KRT74: variants seen among roughly 807,000 people sequenced by gnomAD.
The protein encoded by KRT74 is keratin 74.
A neutral mutation model predicts 42.7 loss-of-function variants in KRT74; 43 were observed. That is an observed-to-expected ratio of 1.01 (90% CI 0.79 to 1.30). KRT74 has a LOEUF of 1.30. KRT74 is among the 50% of genes most tolerant of loss of function. The probability of loss-of-function intolerance (pLI) is 0.00; values close to 1 mark genes in which losing one functional copy is unlikely to be tolerated. For missense variants in KRT74, 736 were observed against 689.1 expected, an observed-to-expected ratio of 1.07 and a Z score of -0.76; for synonymous variants, 302 against 279.0, an observed-to-expected ratio of 1.08 and a Z score of -0.82.
intron 1 of KRT74, 92 bp from the exon 2 acceptor site, chr12:52,572,759 T>C (rs781554627): frequency 1.6e-4 from 192 of 1,187,820 alleles, no homozygotes; most frequent in Admixed American, 3.0e-4. Flanking sequence ...TTGCCATAGA[T>C]TGTTGTAGTC....
Position 52,566,653 on chromosome 12 carries a change from C to A in KRT74, c.*316G>T. 3.2e-6 allele frequency: 1 copy of A among 310,718 alleles called. No homozygotes were observed. The highest frequency in any genetic ancestry group is 5.9e-6 in the Non-Finnish European group (1 of 169,404). The allele number at this position is 310,718 out of a possible 1,614,324, so 19.2% of individuals were successfully genotyped here. On this transcript the variant is annotated 3_prime_UTR_variant, in exon 9 of 9. Transcript: ENST00000305620. ...GCCCCTCCCCTGTCGTCTCCTGCTC[C>A]TTCCCTCTTTCTAGGGATGATCACA...
Position 52,566,942 on chromosome 12 carries a change from A to G in KRT74, c.*27T>C. 1.3e-6 allele frequency: 2 copies of G among 1,590,706 alleles called. No homozygotes were observed. Among genetic ancestry groups the G allele is most frequent in the Non-Finnish European group, 1.7e-6 (2 of 1,165,122 alleles). ...GGTGGCAAAGTCACCTCTTCTTCCA[A>G]GTGCTGAGGTGGGTGAGGCCATGGG... On this transcript the variant is annotated 3_prime_UTR_variant, in exon 9 of 9. Coordinates refer to ENST00000305620, the MANE Select transcript of KRT74 (RefSeq NM_175053.4).
chr12:52,567,304 A>T, intron 8 of KRT74, 136 bp from the exon 9 acceptor site: 2 of 755,404 alleles, frequency 2.6e-6, no homozygotes, highest in South Asian at 1.9e-5. Flanking sequence ...AGTAGTCAAG[A>T]AGCACTACAG....
rs1482668927 is a variant in KRT74 at position 52,566,542 on chromosome 12, C to G, written c.*427G>C. ...TGTCTAACTTCTCACCACCTGCTTA[C>G]AGGTCTCGTGTCACCCCACCATGCT... is the stretch of plus-strand genomic sequence containing the variant. On this transcript the variant is annotated 3_prime_UTR_variant, in exon 9 of 9. Transcript: ENST00000305620. The G allele has an allele frequency of 6.0e-6, 1 of 166,372 alleles. No individual in the cohort carries two copies. Among genetic ancestry groups the G allele is most frequent in the African/African-American group, 2.4e-5 (1 of 42,078 alleles). 10.3% of individuals were successfully genotyped at this position (166,372 alleles called of 1,614,324 possible).
At chr12:52,570,131 A>G in intron 5 of KRT74, 147 bp from the exon 6 acceptor site, 2 of 838,358 alleles carry the variant, frequency 2.4e-6, no homozygotes, top group South Asian at 1.5e-5. Flanking sequence ...GGGCCCAGGT[A>G]AGGGGTTTTC....
At chr12:52,567,878 C>T (rs896787106) in intron 7 of KRT74, among the ~76,000 whole-genome samples, 185 bp from the exon 8 acceptor site, 12 of 151,536 alleles carry the variant, frequency 7.9e-5, no homozygotes, top group Admixed American at 5.3e-4. Flanking sequence ...GATGATTTAC[C>T]GAGACCACAC....
chr12:52,571,373 A>G lies in KRT74; in HGVS notation c.829T>C (p.Cys277Arg), dbSNP rs1364498083. 6.2e-7 allele frequency: 1 copy of G among 1,609,378 alleles called. No individual in the cohort carries two copies. The highest frequency in any genetic ancestry group is 1.7e-5 in the Admixed American group (1 of 60,008). ...SLDKEIKFLK[C>R]LYDAEIAQIQ... The stretch of plus-strand genomic sequence containing the variant: ...AGTGTCCTTACTGCATCATACAGAC[A>G]CTTGAGGAACTTGATTTCTTTGTCC... Residue 277 changes from cysteine (C) to arginine (R), a missense_variant, in exon 4 of 9, where the codon TGT becomes CGT. Coordinates refer to ENST00000305620, the MANE Select transcript of KRT74 (RefSeq NM_175053.4).
intron 6 of KRT74, among the ~76,000 whole-genome samples, chr12:52,568,713 C>T (rs374480991): frequency 6.1e-4 from 93 of 152,326 alleles, no homozygotes; most frequent in African/African-American, 2.1e-3. Flanking sequence ...AAATCATGCC[C>T]GATCCCCTAG....
rs148647777 is a variant in KRT74, at chr12:52,570,713, C to A, written c.964G>T (p.Ala322Ser). 2 of 1,614,230 alleles carry A rather than the reference C, an allele frequency of 1.2e-6. No individual in the cohort carries two copies. The highest frequency in any genetic ancestry group is 1.1e-5 in the South Asian group (1 of 91,088). The stretch of plus-strand genomic sequence containing the variant: ...TCGGCCTCGGCCTTGCTCTTCAGGG[C>A]GATCTCCTCATAATGCATGCGGACC... ...AEVRMHYEEIALKSKAEAEAL... is the reference protein window; with the variant it reads ...AEVRMHYEEISLKSKAEAEAL... The change falls in exon 5 of 9, where the codon GCC (alanine) becomes TCC (serine). Residue 322 changes from alanine (A) to serine (S), a missense_variant. Physicochemically the swap from Ala to Ser is moderately conservative, Grantham distance 99 (BLOSUM62 1). Transcript: ENST00000305620.
chr12:52,571,807 T>C, intron 3 of KRT74, 137 bp downstream of exon 3: 2 of 772,922 alleles, frequency 2.6e-6, no homozygotes, highest in South Asian at 2.8e-5. Context: ...GCCAGGACTA[T>C]GACTCCACCC....
chr12:52,572,724 GAC>G, intron 1 of KRT74, 57 bp from the exon 2 acceptor site: 1 of 1,487,070 alleles, frequency 6.7e-7, no homozygotes, highest in East Asian at 2.3e-5. Context: ...ATGCCCCCTG[GAC>G]ACACACCATT....
Position 52,572,663 on chromosome 12 carries a change from C to A in KRT74, c.476G>T (p.Arg159Leu), listed in dbSNP as rs577186003. 1.3e-5 allele frequency: 21 copies of A among 1,613,980 alleles called. No homozygotes were observed. Among genetic ancestry groups the A allele is most frequent in the Non-Finnish European group, 1.8e-5 (21 of 1,179,978 alleles). Residue 159 changes from arginine (R) to leucine (L), a missense_variant, in exon 2 of 9, where the codon CGC (arginine) becomes CTC (leucine). By Grantham distance (102) the Arg-to-Leu change is moderately radical (BLOSUM62 -2). Coordinates refer to ENST00000305620, the MANE Select transcript of KRT74 (RefSeq NM_175053.4). The part of the protein sequence containing the change: ...DKFASFIDKV[R>L]FLEQQNQVLE... ...AACCTGGTTCTGCTGCTCTAGGAAG[C>A]GTACCTGGAACCCAAATCAACAGAC...
At chr12:52,571,915 C>A (rs754698789) in intron 3 of KRT74, 29 bp downstream of exon 3, 2 of 1,413,470 alleles carry the variant, frequency 1.4e-6, no homozygotes, top group South Asian at 1.1e-5. Context: ...TGCGAGAGAC[C>A]CTAATAAGGA....
chr12:52,573,123 G>A (rs938427408), intron 1 of KRT74, among the ~76,000 whole-genome samples, 184 bp downstream of exon 1: 5 of 152,114 alleles, frequency 3.3e-5, no homozygotes, highest in Non-Finnish European at 5.9e-5. Flanking sequence ...CAAAGAAGCC[G>A]ATATATTCAT....
In KRT74 at chr12:52,573,697, A is replaced by G; in HGVS notation, c.81T>C (p.Ala27=). ...SVHSAVVPRK[A]VGSLASYCAA... ...CACAGTAAGAAGCCAGGCTACCCACAGCCTTCCTTGGCACCACTGCCGAAT... is the reference window on the plus strand; with the variant it reads ...CACAGTAAGAAGCCAGGCTACCCACGGCCTTCCTTGGCACCACTGCCGAAT... The change falls in exon 1 of 9, where the codon GCT becomes GCC. Residue 27 remains alanine (A), a synonymous_variant. Coordinates refer to ENST00000305620, the MANE Select transcript of KRT74 (RefSeq NM_175053.4). 6.2e-7 allele frequency: 1 copy of G among 1,614,210 alleles called. No individual in the cohort carries two copies. The highest frequency in any genetic ancestry group is 1.3e-5 in the African/African-American group (1 of 75,080).
Position 52,571,465 on chromosome 12 carries a change from GC to G in KRT74, c.748-12del. 1 of 1,606,322 alleles carries G rather than the reference GC, an allele frequency of 6.2e-7. No individual in the cohort carries two copies. The highest frequency in any genetic ancestry group is 8.5e-7 in the Non-Finnish European group (1 of 1,173,020). On this transcript the variant is annotated splice_polypyrimidine_tract_variant and intron_variant, in intron 3 of 8. Coordinates refer to ENST00000305620, the MANE Select transcript of KRT74 (RefSeq NM_175053.4). ...GGCTGCATCTGCATCCTGCCAAGAGGCCCCAGAGTCATTGGGGGATGCAACC... is the reference window on the plus strand; with the variant it reads ...GGCTGCATCTGCATCCTGCCAAGAGGCCCAGAGTCATTGGGGGATGCAACC...
intron 1 of KRT74, 69 bp downstream of exon 1, chr12:52,573,238 C>A: frequency 6.9e-7 from 1 of 1,450,604 alleles, no homozygotes; most frequent in South Asian, 1.1e-5. Context: ...GTGTGCAGTC[C>A]ATTCCCAGGC....
rs754869285 is a variant in KRT74, at chr12:52,570,655, C to T, written c.1008+14G>A. Reference sequence around the variant, plus strand: ...CGAAGGGCTGCTGTGGGAGGAGACCCATTCGGTGACCACCTTGGTCTGGTA... The same window carrying T: ...CGAAGGGCTGCTGTGGGAGGAGACCTATTCGGTGACCACCTTGGTCTGGTA... On this transcript the variant is annotated intron_variant, in intron 5 of 8. Transcript: ENST00000305620. 4.8e-5 allele frequency: 78 copies of T among 1,614,066 alleles called. No homozygotes were observed. The highest frequency in any genetic ancestry group is 5.7e-5 in the Non-Finnish European group (67 of 1,180,028).
In KRT74 at chr12:52,573,314, A is replaced by G. The variant is rs1565609077; in HGVS notation, c.464T>C (p.Ile155Thr). The G allele has an allele frequency of 1.2e-6, 2 of 1,614,118 alleles. No individual in the cohort carries two copies. Among genetic ancestry groups the G allele is most frequent in the African/African-American group, 2.7e-5 (2 of 75,050 alleles). ...TCCTCCTATGAGACCCACCTTGTCA[A>G]TGAAGGAGGCGAACTTGTCGTTCAG... ...KVLNDKFASF[I>T]DKVRFLEQQN... Residue 155 changes from isoleucine to threonine, a missense_variant, in exon 1 of 9, where the codon ATT becomes ACT. Physicochemically the swap from Ile to Thr is moderately conservative, Grantham distance 89. Transcript: ENST00000305620.
Sources: gnomAD v4.1 joint callset for allele counts (sites outside exome capture counted in the v4.1 genomes callset) on GRCh38, gnomAD v4.1.1 for gene constraint, MANE v1.5 for transcripts, NCBI Gene and HGNC (gene_info 2026-07-23, HGNC 2026-07-21) for gene names.